Variants in KIF16B observed in about 807,000 individuals in gnomAD.
KIF16B encodes the protein kinesin-like protein KIF16B.
KIF16B carries 98 observed loss-of-function variants against 156.3 expected under a neutral mutation model. The observed-to-expected ratio is 0.63, with a 90% CI of 0.53 to 0.74. The LOEUF (loss-of-function observed/expected upper bound fraction) is 0.74. Ranked by LOEUF, KIF16B falls within the 30% of genes least tolerant of loss-of-function variation. KIF16B has a pLI of 0.00. For synonymous variants in KIF16B, 564 were observed against 583.7 expected (o/e 0.97, Z 0.49); for missense variants, 1,421 against 1,606.5 (o/e 0.88, Z 1.97).
chr20:16,551,871 A>C (rs551520831), intron 1 of KIF16B, among the ~76,000 whole-genome samples: 150 of 152,270 alleles, frequency 9.9e-4, no homozygotes, highest in Admixed American at 3.5e-3. Context: ...AGGGCAAAGG[A>C]AGGCTCAAGT....
At chr20:16,571,944 T>C (rs759415975) in intron 1 of KIF16B, among the ~76,000 whole-genome samples, 3 of 152,238 alleles carry the variant, frequency 2.0e-5, no homozygotes, top group South Asian at 2.1e-4. Context: ...CTTTCTAAAG[T>C]TACACAATAC....
At chr20:16,497,555 G>A in intron 11 of KIF16B, 58 bp downstream of exon 11, 2 of 1,324,756 alleles carry the variant, frequency 1.5e-6, no homozygotes, top group Non-Finnish European at 2.2e-6. Context: ...AAAAAAGCAT[G>A]CACTTAAAAT....
intron 12 of KIF16B, among the ~76,000 whole-genome samples, chr20:16,468,123 A>G (rs988671457): frequency 6.6e-6 from 1 of 152,230 alleles, no homozygotes; most frequent in Non-Finnish European, 1.5e-5. Flanking sequence ...GTCTATATAA[A>G]AAAAGCCCAG....
At chr20:16,292,350 G>A (rs1019415040) in intron 25 of KIF16B, among the ~76,000 whole-genome samples, 14 of 152,162 alleles carry the variant, frequency 9.2e-5, no homozygotes, top group African/African-American at 3.4e-4. Flanking sequence ...TCAAAGGATT[G>A]CACCATATGC....
At chr20:16,354,477 TACACACACAC>T (rs10567864) in intron 23 of KIF16B, among the ~76,000 whole-genome samples, 20 of 148,742 alleles carry the variant, frequency 1.3e-4, no homozygotes, top group African/African-American at 2.7e-4. Context: ...AATGGAATTC[TACACACACAC>T]ACACACACAC....
intron 12 of KIF16B, among the ~76,000 whole-genome samples, chr20:16,459,304 A>G (rs1389094004): frequency 6.6e-6 from 1 of 152,230 alleles, no homozygotes; most frequent in Non-Finnish European, 1.5e-5. Context: ...CAGAAACTAT[A>G]CATTAATATA....
intron 22 of KIF16B, chr20:16,368,399 T>A (rs2064731660): frequency 1.0e-6 from 1 of 988,844 alleles, no homozygotes; most frequent in African/African-American, 1.7e-5. Context: ...GTTGACTGCA[T>A]GTCAGTCTTC....
rs1430918853 is a variant in KIF16B at position 16,379,657 on chromosome 20, C to A, written c.2345G>T (p.Gly782Val). 6.2e-7 allele frequency: 1 copy of A among 1,614,160 alleles called. No individual in the cohort carries two copies. Among genetic ancestry groups the A allele is most frequent in the East Asian group, 2.2e-5 (1 of 44,860 alleles). ...CTCCTCTTCCACCCACTGTACCTCC[C>A]CACGCCGCAGGAGCTGGATCATCTC... ...KQEMIQLLRR[G>V]EVQWVEEEKR... The change falls in exon 19 of 26, where the codon GGG becomes GTG. Residue 782 changes from glycine (G) to valine (V), a missense_variant. Physicochemically the swap from Gly to Val is moderately radical, Grantham distance 109. Transcript: ENST00000354981.
chr20:16,298,618 CTG>C (rs1169938705), intron 25 of KIF16B, among the ~76,000 whole-genome samples: 2 of 152,164 alleles, frequency 1.3e-5, no homozygotes, highest in African/African-American at 4.8e-5. Context: ...TGAACGGTGA[CTG>C]TCACAGTCAC....
intron 21 of KIF16B, 76 bp downstream of exon 21, chr20:16,371,589 C>CAA (rs111754823): frequency 0.18 from 111,826 of 610,516 alleles, 3,452 homozygotes; most frequent in East Asian, 0.28. Context: ...GACTCAGTCT[C>CAA]AAAAAAAAAA....
At chr20:16,438,072 GGGA>G (rs1207746157) in intron 12 of KIF16B, among the ~76,000 whole-genome samples, 2 of 152,014 alleles carry the variant, frequency 1.3e-5, no homozygotes, top group African/African-American at 2.4e-5. Flanking sequence ...GCTTGAACCT[GGGA>G]GGAGGACGTT....
intron 3 of KIF16B, among the ~76,000 whole-genome samples, chr20:16,519,867 G>A (rs915569009): frequency 2.0e-5 from 3 of 152,230 alleles, no homozygotes; most frequent in South Asian, 2.1e-4. Flanking sequence ...AGCCCACAGA[G>A]GGTGAGCAGA....
At chr20:16,289,443 G>C (rs2063280397) in intron 25 of KIF16B, among the ~76,000 whole-genome samples, 2 of 152,166 alleles carry the variant, frequency 1.3e-5, no homozygotes, top group Admixed American at 1.3e-4. Context: ...CTCCTTCAAA[G>C]GAAAGTAAAA....
chr20:16,298,541 T>C (rs1269102070), intron 25 of KIF16B, among the ~76,000 whole-genome samples: 5 of 152,210 alleles, frequency 3.3e-5, no homozygotes, highest in Non-Finnish European at 7.3e-5. Context: ...AGTTTGTATT[T>C]ATGTGGGATC....
chr20:16,552,808 T>A (rs187180156), intron 1 of KIF16B, among the ~76,000 whole-genome samples: 66 of 152,322 alleles, frequency 4.3e-4, no homozygotes, highest in African/African-American at 8.4e-4. Context: ...ATTTATTATT[T>A]TTTTTTAAGA....
intron 19 of KIF16B, among the ~76,000 whole-genome samples, chr20:16,377,665 T>C (rs1231632739): frequency 6.6e-6 from 1 of 152,058 alleles, no homozygotes; most frequent in African/African-American, 2.4e-5. Flanking sequence ...CATGCTACCA[T>C]CTTGATAGGA....
intron 25 of KIF16B, among the ~76,000 whole-genome samples, chr20:16,299,817 G>C (rs1053237481): frequency 1.3e-5 from 2 of 152,222 alleles, no homozygotes; most frequent in African/African-American, 4.8e-5. Flanking sequence ...AAGTTAAGAG[G>C]GGGAGGCAGG....
At chr20:16,276,786 T>C (rs1171217836) in intron 25 of KIF16B, among the ~76,000 whole-genome samples, 2 of 152,242 alleles carry the variant, frequency 1.3e-5, no homozygotes, top group African/African-American at 4.8e-5. Context: ...CATTCTTCTC[T>C]GAAGCCCCCT....
intron 24 of KIF16B, among the ~76,000 whole-genome samples, chr20:16,332,252 T>A (rs2063960651): frequency 6.6e-6 from 1 of 152,200 alleles, no homozygotes; most frequent in Admixed American, 6.5e-5. Context: ...CTCTTCAGTA[T>A]CTGTCTCTGT....
Sources: allele counts gnomAD v4.1 joint callset (sites outside exome capture counted in the v4.1 genomes callset), GRCh38; gene constraint gnomAD v4.1.1; transcripts MANE v1.5; gene names NCBI Gene and HGNC (gene_info 2026-07-23, HGNC 2026-07-21).